COL4A6: variants seen among roughly 807,000 people sequenced by gnomAD.
COL4A6 encodes collagen type IV alpha 6 chain, also known as collagen alpha-6(IV) chain.
In COL4A6, 59 loss-of-function variants were observed where a neutral mutation model predicts 126.7. The observed-to-expected ratio is 0.47, with a 90% CI of 0.38 to 0.58. The LOEUF (loss-of-function observed/expected upper bound fraction) is 0.58, where lower values mean the gene tolerates loss of function less well. Among genes scored for constraint, COL4A6 ranks in the 20% least tolerant of loss-of-function variants. The pLI, the probability that COL4A6 is intolerant of heterozygous loss-of-function variation, is 0.00. For synonymous variants in COL4A6, 547 were observed against 496.6 expected, an observed-to-expected ratio of 1.10 and a Z score of -1.35; for missense variants, 1,285 against 1,337.3, an observed-to-expected ratio of 0.96 and a Z score of 0.61.
At position 108,159,525 on chromosome X, in the gene COL4A6, G is replaced by C. The variant is rs1251224572; in HGVS notation, c.4749C>G (p.Asp1583Glu). The C allele has an allele frequency of 8.2e-7, 1 of 1,212,355 alleles. No homozygotes were observed. The highest frequency in any genetic ancestry group is 1.1e-6 in the Non-Finnish European group (1 of 895,626). Reference sequence around the variant, plus strand: ...CCAGGGGGCACTGCGGGATGGTGATGTCCTGGCTGTGCACAGCAATGGCTT... The same window carrying C: ...CCAGGGGGCACTGCGGGATGGTGATCTCCTGGCTGTGCACAGCAATGGCTT... ...PSQAIAVHSQ[D>E]ITIPQCPLGW... The change falls in exon 44 of 45, where the codon GAC becomes GAG. Residue 1583 changes from aspartate (D) to glutamate (E), a missense_variant. Transcript: ENST00000334504.
chrX:108,159,606 G>T lies in COL4A6; in HGVS notation c.4668C>A (p.Ser1556Arg). ...TGATGTACTGGGGAATCTGGGTCTG[G>T]CTGACGGGCATCATGGGGATAGGGG... is the stretch of plus-strand genomic sequence containing the variant. ...TTAPIPMMPV[S>R]QTQIPQYISR... Residue 1556 changes from serine (S) to arginine (R), a missense_variant, in exon 44 of 45, where the codon AGC (serine) becomes AGA (arginine). Coordinates refer to ENST00000334504, the MANE Select transcript of COL4A6 (RefSeq NM_033641.4). 1 of 1,212,312 alleles carries T rather than the reference G, an allele frequency of 8.2e-7. No homozygotes were observed. Among genetic ancestry groups the T allele is most frequent in the Non-Finnish European group, 1.1e-6 (1 of 895,615 alleles).
rs2041083565 is a variant in COL4A6 at position 108,401,339 on chromosome X, TA to T, written c.63+36602del. ...TCAAGAACTTAGGTTGAAAACAACC[TA>T]AAATGTGTAACAATATGGGAGTAAA... On this transcript the variant is annotated intron_variant, in intron 2 of 44. Transcript: ENST00000334504. Among the ~76,000 whole-genome samples the T allele has an allele frequency of 3.6e-5, 4 of 110,978 alleles. No homozygotes were observed. In the South Asian group the frequency reaches 1.5e-3, roughly 42 times the overall value.
chrX:108,283,661 C>T (rs2037921396), intron 3 of COL4A6, among the ~76,000 whole-genome samples: 1 of 110,077 alleles, frequency 9.1e-6, no homozygotes, highest in South Asian at 4.0e-4. Flanking sequence ...CTCTTCAGTA[C>T]CTAAAGCTGA....
At chrX:108,356,684 C>T (rs377258146) in intron 2 of COL4A6, among the ~76,000 whole-genome samples, 4 of 112,032 alleles carry the variant, frequency 3.6e-5, no homozygotes, top group African/African-American at 1.3e-4. Flanking sequence ...TAGCCCTTCA[C>T]ATAAATGACA....
chrX:108,298,055 ACTGTGGGC>A (rs1464490503), intron 3 of COL4A6, among the ~76,000 whole-genome samples: 3 of 112,021 alleles, frequency 2.7e-5, no homozygotes, highest in African/African-American at 9.7e-5. Context: ...TCTCTTCTTT[ACTGTGGGC>A]CTGTTTCCCC....
rs779180975 is a variant in COL4A6, at chrX:108,383,638, C to T, written c.63+54304G>A. The stretch of plus-strand genomic sequence containing the variant: ...CCCCAAAATGGGGCACTATGCTGAC[C>T]AATTTAAGGGGAAAACCAGTGCCGT... On this transcript the variant is annotated intron_variant, in intron 2 of 44. Transcript: ENST00000334504. 1.4e-4 allele frequency: 77 copies of T among 544,919 alleles called. 1 individual carries two copies. The Middle Eastern group carries it at 2.6e-3, about 18-fold the overall frequency. 44.9% of individuals were successfully genotyped at this position (544,919 alleles called of 1,213,427 possible).
intron 28 of COL4A6, among the ~76,000 whole-genome samples, chrX:108,176,046 C>G (rs1404523951): frequency 9.0e-6 from 1 of 110,860 alleles, no homozygotes; most frequent in Admixed American, 9.6e-5. Flanking sequence ...CTCCTCTCGG[C>G]CGGGCACAGT....
Position 108,309,645 on chromosome X carries a change from G to A in COL4A6, c.144+1103C>T, listed in dbSNP as rs182290393. Among the ~76,000 whole-genome samples the A allele has an allele frequency of 1.9e-3, 207 of 111,147 alleles. 1 individual carries two copies. The highest frequency in any genetic ancestry group is 3.3e-3 in the Non-Finnish European group (173 of 52,992). On this transcript the variant is annotated intron_variant, in intron 3 of 44. Coordinates refer to ENST00000334504, the MANE Select transcript of COL4A6 (RefSeq NM_033641.4). ...AGGTGGAACGGTCACTGTGTTCCCTGTTTGGCTATGGGTTTGAAAGTTTGG... is the reference window on the plus strand; with the variant it reads ...AGGTGGAACGGTCACTGTGTTCCCTATTTGGCTATGGGTTTGAAAGTTTGG...
chrX:108,188,093 A>G (rs2034927767), intron 21 of COL4A6, 66 bp from the exon 22 acceptor site: 2 of 967,110 alleles, frequency 2.1e-6, no homozygotes, highest in East Asian at 6.2e-5. Context: ...TCCGGCACCT[A>G]GCATTATGAC....
intron 3 of COL4A6, among the ~76,000 whole-genome samples, chrX:108,286,111 C>T (rs1472841444): frequency 8.9e-6 from 1 of 111,859 alleles, no homozygotes; most frequent in Non-Finnish European, 1.9e-5. Context: ...CAATGATAAA[C>T]ATGTGCATAA....
intron 3 of COL4A6, among the ~76,000 whole-genome samples, chrX:108,275,480 A>G (rs2037577000): frequency 8.9e-6 from 1 of 112,323 alleles, no homozygotes; most frequent in South Asian, 3.7e-4. Flanking sequence ...CCATTGCTCT[A>G]TCCTGTATGA....
intron 2 of COL4A6, among the ~76,000 whole-genome samples, chrX:108,379,943 A>G (rs1309921972): frequency 9.0e-6 from 1 of 111,376 alleles, no homozygotes; most frequent in Non-Finnish European, 1.9e-5. Context: ...ATTATTGCCA[A>G]TGATCAGGCT....
intron 2 of COL4A6, among the ~76,000 whole-genome samples, chrX:108,338,997 C>T (rs937809257): frequency 1.8e-5 from 2 of 111,596 alleles, no homozygotes; most frequent in Non-Finnish European, 3.8e-5. Context: ...ATTTTTCACT[C>T]ATACCCAACT....
chrX:108,341,394 C>G (rs1227026899), intron 2 of COL4A6, among the ~76,000 whole-genome samples: 1 of 110,676 alleles, frequency 9.0e-6, no homozygotes. Flanking sequence ...TGGGAAGGAC[C>G]CAGTGGGAGA....
At chrX:108,335,820 A>T (rs2039419247) in intron 2 of COL4A6, among the ~76,000 whole-genome samples, 1 of 111,030 alleles carries the variant, frequency 9.0e-6, no homozygotes, top group African/African-American at 3.3e-5. Context: ...GAACATTTTG[A>T]ATAAGACTAC....
At chrX:108,251,014 A>G (rs1377894614) in intron 3 of COL4A6, among the ~76,000 whole-genome samples, 1 of 111,203 alleles carries the variant, frequency 9.0e-6, no homozygotes. Context: ...CTTGCCAGGC[A>G]AACCAAGAAA....
intron 2 of COL4A6, among the ~76,000 whole-genome samples, chrX:108,383,091 A>T (rs1364604212): frequency 9.1e-6 from 1 of 109,924 alleles, no homozygotes. Context: ...GTACACTTAA[A>T]CGATAAGAAC....
rs1003163350 is a variant in COL4A6, at chrX:108,273,075, C to T, written c.144+37673G>A. Among the ~76,000 whole-genome samples, 104 of 110,320 alleles carry T rather than the reference C, an allele frequency of 9.4e-4. 1 individual carries two copies. The highest frequency in any genetic ancestry group is 1.4e-3 in the Non-Finnish European group (75 of 52,840). ...CATTAGGTATATCTCCTAATGCTAT[C>T]CCTCCCCGCTCCCTCCACCCCACGA... On this transcript the variant is annotated intron_variant, in intron 3 of 44. Coordinates refer to ENST00000334504, the MANE Select transcript of COL4A6 (RefSeq NM_033641.4).
chrX:108,162,745 T>C, intron 41 of COL4A6, 147 bp downstream of exon 41: 1 of 651,324 alleles, frequency 1.5e-6, no homozygotes, highest in Non-Finnish European at 2.2e-6. Context: ...GCCCTTCTTC[T>C]CCCCAACAGG....
Sources: allele counts gnomAD v4.1 joint callset (sites outside exome capture counted in the v4.1 genomes callset), GRCh38; gene constraint gnomAD v4.1.1; transcripts MANE v1.5; gene names NCBI Gene and HGNC (gene_info 2026-07-23, HGNC 2026-07-21).